Variants in DUSP13B observed in about 807,000 individuals in gnomAD.
DUSP13B encodes the protein dual specificity protein phosphatase 13B.
chr10:75,096,558 C>T, the DUSP13B span, among the ~76,000 whole-genome samples: 29 of 142,988 alleles, frequency 2.0e-4, no homozygotes, highest in Admixed American at 3.6e-4. Flanking sequence ...GCCTGGGTGG[C>T]ACAGTGAGAC....
chr10:75,101,044 G>A, the DUSP13B span, among the ~76,000 whole-genome samples: 1 of 152,252 alleles, frequency 6.6e-6, no homozygotes. Context: ...GTGGCCACAG[G>A]CCATGTGGGG....
chr10:75,106,407 G>A, the DUSP13B span, among the ~76,000 whole-genome samples: 1 of 151,916 alleles, frequency 6.6e-6, no homozygotes, highest in East Asian at 1.9e-4. Flanking sequence ...CCTGCAAATT[G>A]TTTCCCCTGG....
chr10:75,094,542 G>C, the DUSP13B span: 1 of 979,318 alleles, frequency 1.0e-6, no homozygotes, highest in Admixed American at 2.7e-5. Flanking sequence ...TCACCACCCA[G>C]CTATCCCTGC....
At chr10:75,102,331 T>C in the DUSP13B span, among the ~76,000 whole-genome samples, 1 of 152,006 alleles carries the variant, frequency 6.6e-6, no homozygotes, top group Non-Finnish European at 1.5e-5. Context: ...TAGTCCCAGC[T>C]ACTCAGGAGG....
chr10:75,104,192 C>T, the DUSP13B span: 14 of 835,046 alleles, frequency 1.7e-5, no homozygotes, highest in Admixed American at 2.4e-4. Flanking sequence ...GTCACCTAAA[C>T]CTGCTTCTGC....
At chr10:75,104,184 C>A in the DUSP13B span, 1 of 945,186 alleles carries the variant, frequency 1.1e-6, no homozygotes, top group South Asian at 1.5e-5. Flanking sequence ...TAAGAGCTGT[C>A]ACCTAAACCT....
the DUSP13B span, chr10:75,094,877 G>T: frequency 6.2e-7 from 1 of 1,613,810 alleles, no homozygotes; most frequent in South Asian, 1.1e-5. Context: ...CCAGCACGCG[G>T]CCTGTAGGGA....
chr10:75,104,919 C>A, the DUSP13B span, among the ~76,000 whole-genome samples: 1 of 152,008 alleles, frequency 6.6e-6, no homozygotes, highest in African/African-American at 2.4e-5. Flanking sequence ...TCAGGCCCTG[C>A]CCTGGGAGGT....
chr10:75,096,576 CAAAAA>C, the DUSP13B span, among the ~76,000 whole-genome samples: 2 of 80,832 alleles, frequency 2.5e-5, no homozygotes, highest in Admixed American at 1.2e-4. Flanking sequence ...GACCCCGCCT[CAAAAA>C]AAAAAAAAAA....
At chr10:75,100,378 T>A in the DUSP13B span, among the ~76,000 whole-genome samples, 1 of 152,214 alleles carries the variant, frequency 6.6e-6, no homozygotes, top group Non-Finnish European at 1.5e-5. Context: ...TCTAACCCAC[T>A]GGGACCCAGC....
chr10:75,099,427 ACCTGGGGCATGG>A, the DUSP13B span: 1 of 1,232,590 alleles, frequency 8.1e-7, no homozygotes, highest in Non-Finnish European at 1.0e-6. Flanking sequence ...CCTGCCACCT[ACCTGGGGCATGG>A]CCTGGGGCCG....
At chr10:75,094,908 A>G in the DUSP13B span, 2 of 1,606,370 alleles carry the variant, frequency 1.2e-6, no homozygotes, top group East Asian at 2.2e-5. Flanking sequence ...AGCATCAGCT[A>G]CCTGCCCTTG....
the DUSP13B span, chr10:75,094,740 G>A: frequency 5.0e-6 from 8 of 1,614,206 alleles, no homozygotes; most frequent in Non-Finnish European, 6.8e-6. Flanking sequence ...GAGGAAGCCT[G>A]AGTTAGGGCA....
At chr10:75,107,917 G>C in the DUSP13B span, 1 of 1,478,088 alleles carries the variant, frequency 6.8e-7, no homozygotes, top group South Asian at 1.3e-5. Flanking sequence ...GGAGGGCACT[G>C]ATGACTGAGA....
the DUSP13B span, chr10:75,104,197 T>G: frequency 1.2e-6 from 1 of 810,438 alleles, no homozygotes; most frequent in Middle Eastern, 3.8e-4. Context: ...CTAAACCTGC[T>G]TCTGCCTTGA....
At chr10:75,095,312 T>C in the DUSP13B span, among the ~76,000 whole-genome samples, 1 of 152,206 alleles carries the variant, frequency 6.6e-6, no homozygotes, top group Admixed American at 6.5e-5. Flanking sequence ...GTCCTATACC[T>C]TCTGTCCAGT....
At chr10:75,095,503 A>G in the DUSP13B span, 1 of 1,393,340 alleles carries the variant, frequency 7.2e-7, no homozygotes, top group South Asian at 1.2e-5. Context: ...CCCACCCACC[A>G]GTGCTACTGG....
At chr10:75,103,331 C>A in the DUSP13B span, among the ~76,000 whole-genome samples, 1 of 152,222 alleles carries the variant, frequency 6.6e-6, no homozygotes. Context: ...CTGAGGGAAG[C>A]AGCACAGGCC....
At chr10:75,107,015 T>C in the DUSP13B span, among the ~76,000 whole-genome samples, 1 of 152,184 alleles carries the variant, frequency 6.6e-6, no homozygotes, top group Admixed American at 6.5e-5. Context: ...TCCTGAGTAT[T>C]TGAAGATATA....
Sources: allele counts gnomAD v4.1 joint callset (sites outside exome capture counted in the v4.1 genomes callset), GRCh38; gene constraint gnomAD v4.1.1; transcripts MANE v1.5; gene names NCBI Gene and HGNC (gene_info 2026-07-23, HGNC 2026-07-21).